The following TRPS1 variants were observed in gnomAD, a reference collection of about 807,000 sequenced individuals.
TRPS1 encodes zinc finger transcription factor Trps1.
TRPS1 carries 6 observed loss-of-function variants against 101.2 expected under a neutral mutation model. The ratio of observed to expected loss-of-function variants is 0.06; its 90% CI spans 0.03 to 0.12. The LOEUF (loss-of-function observed/expected upper bound fraction) is 0.12. Among genes scored for constraint, TRPS1 ranks in the 10% least tolerant of loss-of-function variants. TRPS1 has a pLI of 1.00. For missense variants in TRPS1, 1,363 were observed against 1,567.0 expected (o/e 0.87, Z 2.20); for synonymous variants, 578 against 589.8 (o/e 0.98, Z 0.29).
At chr8:115,667,933 C>A in intron 1 of TRPS1, 3 of 1,535,274 alleles carry the variant, frequency 2.0e-6, no homozygotes, top group Non-Finnish European at 2.6e-6. Flanking sequence ...AGAAAACTTG[C>A]AGTGGCGGCG....
chr8:115,470,707 A>G (rs1272519788), intron 5 of TRPS1, among the ~76,000 whole-genome samples: 5 of 152,218 alleles, frequency 3.3e-5, no homozygotes, highest in African/African-American at 1.2e-4. Flanking sequence ...AGGTAAACAA[A>G]TGTAACCAAA....
intron 5 of TRPS1, among the ~76,000 whole-genome samples, chr8:115,507,430 T>A (rs1244533214): frequency 1.3e-5 from 2 of 152,060 alleles, no homozygotes; most frequent in African/African-American, 4.8e-5. Flanking sequence ...TGTATGTTAC[T>A]CCTCGGCTGA....
intron 4 of TRPS1, among the ~76,000 whole-genome samples, chr8:115,593,453 G>A (rs1027583598): frequency 1.3e-5 from 2 of 152,122 alleles, no homozygotes; most frequent in South Asian, 2.1e-4. Context: ...ACTGTTTCAC[G>A]TACGTTATTT....
At chr8:115,422,371 T>C (rs1586258158) in intron 5 of TRPS1, among the ~76,000 whole-genome samples, 1 of 146,960 alleles carries the variant, frequency 6.8e-6, no homozygotes, top group African/African-American at 2.5e-5. Context: ...TTTCCACACT[T>C]TTTTTTTTTT....
intron 3 of TRPS1, among the ~76,000 whole-genome samples, chr8:115,612,185 A>G (rs556305378): frequency 6.6e-6 from 1 of 151,830 alleles, no homozygotes; most frequent in South Asian, 2.1e-4. Flanking sequence ...GAGGAAGAAG[A>G]AGGAATGAGG....
chr8:115,581,934 C>A (rs965042584), intron 5 of TRPS1, among the ~76,000 whole-genome samples: 1 of 152,088 alleles, frequency 6.6e-6, no homozygotes, highest in African/African-American at 2.4e-5. Context: ...TTCATCTCTG[C>A]ATATAGTCAA....
At chr8:115,456,493 G>A (rs1023022634) in intron 5 of TRPS1, among the ~76,000 whole-genome samples, 3 of 151,750 alleles carry the variant, frequency 2.0e-5, no homozygotes, top group South Asian at 2.1e-4. Flanking sequence ...ATATAATATC[G>A]ATTTTACATG....
intron 4 of TRPS1, among the ~76,000 whole-genome samples, chr8:115,593,792 A>G (rs1277463820): frequency 6.6e-6 from 1 of 152,186 alleles, no homozygotes; most frequent in Non-Finnish European, 1.5e-5. Context: ...CCCCGCATCC[A>G]TAAAGACTTC....
intron 1 of TRPS1, among the ~76,000 whole-genome samples, chr8:115,655,908 G>A (rs916944268): frequency 3.3e-5 from 5 of 152,024 alleles, no homozygotes; most frequent in Admixed American, 6.5e-5. Flanking sequence ...TGATTACATC[G>A]GACCAAACAT....
intron 1 of TRPS1, chr8:115,667,984 C>G: frequency 1.5e-6 from 2 of 1,303,728 alleles, no homozygotes; most frequent in Non-Finnish European, 2.1e-6. Flanking sequence ...CCAGCTCCTC[C>G]GCTGCGCCCG....
At chr8:115,568,563 T>A (rs1817124525) in intron 5 of TRPS1, among the ~76,000 whole-genome samples, 1 of 152,144 alleles carries the variant, frequency 6.6e-6, no homozygotes, top group Admixed American at 6.6e-5. Context: ...AAAGTTGATA[T>A]TTTATGCTCT....
intron 5 of TRPS1, among the ~76,000 whole-genome samples, chr8:115,427,532 T>TA (rs1813216411): frequency 6.6e-6 from 1 of 152,212 alleles, no homozygotes; most frequent in Admixed American, 6.5e-5. Flanking sequence ...AGAAGCAATT[T>TA]GCAACTGCTG....
chr8:115,497,331 G>T (rs1350275671), intron 5 of TRPS1, among the ~76,000 whole-genome samples: 1 of 152,146 alleles, frequency 6.6e-6, no homozygotes, highest in East Asian at 1.9e-4. Context: ...TCTCCTATGC[G>T]AATCTAAGGC....
intron 1 of TRPS1, among the ~76,000 whole-genome samples, chr8:115,654,613 A>C (rs1811638471): frequency 6.6e-6 from 1 of 152,206 alleles, no homozygotes; most frequent in Non-Finnish European, 1.5e-5. Flanking sequence ...CTATATAGAT[A>C]AATGTTAAAG....
intron 3 of TRPS1, among the ~76,000 whole-genome samples, chr8:115,606,200 A>C (rs570561025): frequency 3.0e-4 from 46 of 152,302 alleles, no homozygotes; most frequent in African/African-American, 1.1e-3. Flanking sequence ...TCTATTTGAA[A>C]TGCAAATAAT....
At chr8:115,659,685 G>A (rs996803198) in intron 1 of TRPS1, among the ~76,000 whole-genome samples, 8 of 152,036 alleles carry the variant, frequency 5.3e-5, no homozygotes, top group African/African-American at 1.9e-4. Context: ...GAGAAAATGG[G>A]CTGATGTATT....
intron 1 of TRPS1, among the ~76,000 whole-genome samples, chr8:115,649,121 T>C (rs1811502830): frequency 6.6e-6 from 1 of 152,216 alleles, no homozygotes; most frequent in Admixed American, 6.5e-5. Flanking sequence ...CAGATATCGC[T>C]ACAGAAAGAA....
chr8:115,590,506 G>A (rs1188062136), intron 4 of TRPS1, among the ~76,000 whole-genome samples: 2 of 152,118 alleles, frequency 1.3e-5, no homozygotes, highest in Non-Finnish European at 2.9e-5. Flanking sequence ...TATCAAGACT[G>A]TAAATACCAG....
At chr8:115,440,333 C>T (rs943688871) in intron 5 of TRPS1, among the ~76,000 whole-genome samples, 2 of 152,188 alleles carry the variant, frequency 1.3e-5, no homozygotes, top group Non-Finnish European at 2.9e-5. Flanking sequence ...AATAGGAAGA[C>T]CGACTGGCTG....
Sources: gnomAD v4.1 joint callset for allele counts (sites outside exome capture counted in the v4.1 genomes callset) on GRCh38, gnomAD v4.1.1 for gene constraint, MANE v1.5 for transcripts, NCBI Gene and HGNC (gene_info 2026-07-23, HGNC 2026-07-21) for gene names.